GGT7: variants seen among roughly 807,000 people sequenced by gnomAD.
The protein encoded by GGT7 is glutathione hydrolase 7.
In GGT7, 30 loss-of-function variants were observed where a neutral mutation model predicts 69.2. That is an observed-to-expected ratio of 0.43 (90% confidence interval 0.32 to 0.59). The LOEUF is 0.59. GGT7 is among the 20% of genes least tolerant of loss of function. The probability of loss-of-function intolerance (pLI) is 0.05; values close to 1 mark genes in which losing one functional copy is unlikely to be tolerated. For synonymous variants in GGT7, 388 were observed against 391.8 expected (o/e 0.99, Z 0.12); for missense variants, 733 against 901.1 (o/e 0.81, Z 2.39).
At chr20:34,847,778 T>C (rs911696819) in intron 14 of GGT7, among the ~76,000 whole-genome samples, 8 of 152,214 alleles carry the variant, frequency 5.3e-5, no homozygotes, top group African/African-American at 1.2e-4. Context: ...TTTGTGATTA[T>C]GATATAAGGT....
chr20:34,859,535 GC>G lies in GGT7; in HGVS notation c.921del (p.Asp309ThrfsTer38). Reference sequence around the variant, plus strand: ...ACATCCAGCACCTCAGCCAGGTCGGGCCGATGCAGCAACGAGCCAGGTAGTG... The same window carrying G: ...ACATCCAGCACCTCAGCCAGGTCGGGCGATGCAGCAACGAGCCAGGTAGTG... The part of the protein sequence containing the change: ...RPPLPGSLLH[R>X]PDLAEVLDVL... On this transcript the variant is annotated frameshift_variant, in exon 7 of 15. Transcript: ENST00000336431. LOFTEE classifies it high-confidence loss of function. The G allele has an allele frequency of 6.2e-7, 1 of 1,612,502 alleles. No individual in the cohort carries two copies. Among genetic ancestry groups the G allele is most frequent in the Non-Finnish European group, 8.5e-7 (1 of 1,179,214 alleles).
intron 10 of GGT7, among the ~76,000 whole-genome samples, chr20:34,854,118 G>A (rs1002216540): frequency 6.6e-6 from 1 of 152,180 alleles, no homozygotes; most frequent in African/African-American, 2.4e-5. Flanking sequence ...TGTATTTTTA[G>A]TAGAGGCAGG....
Position 34,852,192 on chromosome 20 carries a change from CAGG to C in GGT7, c.1547_1549del (p.Ser516del). On this transcript the variant is annotated inframe_deletion, in exon 12 of 15. Coordinates refer to ENST00000336431, the MANE Select transcript of GGT7 (RefSeq NM_178026.3). Reference sequence around the variant, plus strand: ...AGAGTGGTTAGCTGTCCGGTTGGGCCAGGAGAAGTCCAGCATCTGGCTGTTGAG... The same window carrying C: ...AGAGTGGTTAGCTGTCCGGTTGGGCCAGAAGTCCAGCATCTGGCTGTTGAG... 2 of 1,613,796 alleles carry C rather than the reference CAGG, an allele frequency of 1.2e-6. No individual in the cohort carries two copies. The highest frequency in any genetic ancestry group is 1.7e-6 in the Non-Finnish European group (2 of 1,179,666).
chr20:34,849,467 T>C (rs1446478552), intron 14 of GGT7, among the ~76,000 whole-genome samples: 2 of 152,182 alleles, frequency 1.3e-5, no homozygotes, highest in Non-Finnish European at 2.9e-5. Flanking sequence ...ACCCAGTTTC[T>C]TTCTCACTCT....
In GGT7 at chr20:34,852,487, G is replaced by A. The variant is rs762775711; in HGVS notation, c.1371C>T (p.Ala457=). Residue 457 remains alanine, a synonymous_variant, in exon 11 of 15, where the codon GCC becomes GCT. Coordinates refer to ENST00000336431, the MANE Select transcript of GGT7 (RefSeq NM_178026.3). ...LRGHINDSQA[A]PAPLLPVYEL... is the part of the protein sequence containing the mutation. Reference sequence around the variant, plus strand: ...CATAGACAGGCAGGAGTGGGGCAGGGGCTGCCTGGGAGTCATTGATATGGC... The same window carrying A: ...CATAGACAGGCAGGAGTGGGGCAGGAGCTGCCTGGGAGTCATTGATATGGC... 2.5e-6 allele frequency: 4 copies of A among 1,610,286 alleles called. No homozygotes were observed. The African/African-American group carries it at 4.0e-5, about 16-fold the overall frequency.
Position 34,872,807 on chromosome 20 carries a change from C to CG in GGT7, c.8dup (p.Glu4GlyfsTer156), listed in dbSNP as rs2079803398. 7.4e-7 allele frequency: 1 copy of CG among 1,350,766 alleles called. No individual in the cohort carries two copies. Among genetic ancestry groups the CG allele is most frequent in the African/African-American group, 1.5e-5 (1 of 65,368 alleles). The allele number at this position is 1,350,766 out of a possible 1,614,324, so 83.7% of individuals were successfully genotyped here. A position where few individuals can be genotyped will look rare whatever the true frequency, so the allele number is the denominator to read the frequency against. Reference sequence around the variant, plus strand: ...CGCTCTCCTGGCTGGCCTCGTTCTCCGCCGCCATCCTCGCCCGCGCCCCCC... The same window carrying CG: ...CGCTCTCCTGGCTGGCCTCGTTCTCCGGCCGCCATCCTCGCCCGCGCCCCCC... On this transcript the variant is annotated frameshift_variant, in exon 1 of 15. Transcript: ENST00000336431. LOFTEE classifies it high-confidence loss of function.
chr20:34,849,458 C>A (rs941921335), intron 14 of GGT7, among the ~76,000 whole-genome samples: 4 of 152,136 alleles, frequency 2.6e-5, no homozygotes, highest in Non-Finnish European at 4.4e-5. Context: ...AGCCATTGCA[C>A]CCAGTTTCTT....
Position 34,859,564 on chromosome 20 carries a change from G to A in GGT7, c.893C>T (p.Pro298Leu), listed in dbSNP as rs375590480. Residue 298 changes from proline (P) to leucine (L), a missense_variant, in exon 7 of 15, where the codon CCG (proline) becomes CTG (leucine). Transcript: ENST00000336431. Reference protein sequence around the residue: ...FRETFLPSGRPPLPGSLLHRP... With the variant: ...FRETFLPSGRLPLPGSLLHRP... Reference sequence around the variant, plus strand: ...ATGCAGCAACGAGCCAGGTAGTGGCGGGCGGCCCGATGGCAGGAACGTCTC... The same window carrying A: ...ATGCAGCAACGAGCCAGGTAGTGGCAGGCGGCCCGATGGCAGGAACGTCTC... 6.9e-6 allele frequency: 11 copies of A among 1,604,710 alleles called. No individual in the cohort carries two copies. The highest frequency in any genetic ancestry group is 1.7e-5 in the Admixed American group (1 of 58,748).
Position 34,845,020 on chromosome 20 carries a change from C to T in GGT7, c.*308G>A. ...TGCAAGCACATCCCTAAGCTCGGGG[C>T]CAGCATGGCTGAAGGAGGAGAGGTG... On this transcript the variant is annotated 3_prime_UTR_variant, in exon 15 of 15. Transcript: ENST00000336431. 2.7e-6 allele frequency: 1 copy of T among 371,930 alleles called. No individual in the cohort carries two copies. The highest frequency in any genetic ancestry group is 4.9e-6 in the Non-Finnish European group (1 of 203,586). The allele number at this position is 371,930 out of a possible 1,614,324, so 23.0% of individuals were successfully genotyped here.
chr20:34,856,953 A>G (rs943706356), intron 7 of GGT7, 60 bp from the exon 8 acceptor site: 2 of 1,055,904 alleles, frequency 1.9e-6, no homozygotes, highest in African/African-American at 3.1e-5. Context: ...GTTTTGGCCT[A>G]TAACACGTTT....
rs1482420285 is a variant in GGT7, at chr20:34,862,745, G to A, written c.557+69C>T. The A allele has an allele frequency of 8.8e-6, 13 of 1,475,606 alleles. No homozygotes were observed. The East Asian group carries it at 2.5e-4, about 28-fold the overall frequency. 91.4% of individuals were successfully genotyped at this position (1,475,606 alleles called of 1,614,324 possible). ...CCCCTCTCCCTAAGTTAGGAGTGCTGCACATGAGGCCTACAGACCTGGAGG... is the reference window on the plus strand; with the variant it reads ...CCCCTCTCCCTAAGTTAGGAGTGCTACACATGAGGCCTACAGACCTGGAGG... On this transcript the variant is annotated intron_variant, in intron 3 of 14. Transcript: ENST00000336431.
At chr20:34,869,127 C>T (rs2079739657) in intron 1 of GGT7, among the ~76,000 whole-genome samples, 1 of 151,758 alleles carries the variant, frequency 6.6e-6, no homozygotes, top group Non-Finnish European at 1.5e-5. Context: ...TGTTTATTCC[C>T]TTAAGGGGAG....
At position 34,852,512 on chromosome 20, in the gene GGT7, C is replaced by T; in HGVS notation, c.1346G>A (p.Gly449Asp). The change falls in exon 11 of 15, where the codon GGC (glycine) becomes GAC (aspartate). Residue 449 changes from glycine to aspartate, a missense_variant. By Grantham distance (94) the Gly-to-Asp change is moderately conservative (BLOSUM62 -1). Transcript: ENST00000336431. ...GGCTGCCTGGGAGTCATTGATATGGCCCCGGAGGTAGGCGGCCTCCACCTT... is the reference window on the plus strand; with the variant it reads ...GGCTGCCTGGGAGTCATTGATATGGTCCCGGAGGTAGGCGGCCTCCACCTT... Reference protein sequence around the residue: ...LSKVEAAYLRGHINDSQAAPA... With the variant: ...LSKVEAAYLRDHINDSQAAPA... 6.3e-7 allele frequency: 1 copy of T among 1,588,422 alleles called. No individual in the cohort carries two copies. Among genetic ancestry groups the T allele is most frequent in the Non-Finnish European group, 8.6e-7 (1 of 1,168,240 alleles).
rs756570193 is a variant in GGT7, at chr20:34,862,909, G to A, written c.462C>T (p.Ile154=). 5 of 1,614,008 alleles carry A rather than the reference G, an allele frequency of 3.1e-6. No homozygotes were observed. The highest frequency in any genetic ancestry group is 4.2e-6 in the Non-Finnish European group (5 of 1,179,938). ...AAGATCCCTGTTTACTGAGCACCTC[G>A]ATGCCCAGTGAAGTGCAGCGGGCAG... ...TDAARCTSLG[I]EVLSKQGSSV... The change falls in exon 3 of 15, where the codon ATC becomes ATT. Residue 154 remains isoleucine, a synonymous_variant. Coordinates refer to ENST00000336431, the MANE Select transcript of GGT7 (RefSeq NM_178026.3).
At chr20:34,859,149 G>A (rs2079541090) in intron 7 of GGT7, among the ~76,000 whole-genome samples, 1 of 147,538 alleles carries the variant, frequency 6.8e-6, no homozygotes, top group African/African-American at 2.6e-5. Flanking sequence ...CAGCCAGGGT[G>A]ACACAGCAGG....
chr20:34,847,263 A>G (rs934471701), intron 14 of GGT7, among the ~76,000 whole-genome samples: 5 of 152,082 alleles, frequency 3.3e-5, no homozygotes, highest in Non-Finnish European at 5.9e-5. Context: ...GACCCTCATC[A>G]TCTCTTGCCT....
At chr20:34,850,698 C>T (rs1439551456) in intron 13 of GGT7, 2 of 377,482 alleles carry the variant, frequency 5.3e-6, no homozygotes, top group African/African-American at 4.2e-5. Flanking sequence ...AGTGAATGCT[C>T]CAGCATCACA....
intron 7 of GGT7, among the ~76,000 whole-genome samples, chr20:34,858,720 C>T (rs1270203427): frequency 6.6e-6 from 1 of 152,178 alleles, no homozygotes; most frequent in Non-Finnish European, 1.5e-5. Flanking sequence ...AGAGGTGCTT[C>T]CCTCAGTCCC....
chr20:34,867,556 A>C (rs1265690231), intron 1 of GGT7, among the ~76,000 whole-genome samples: 2 of 151,980 alleles, frequency 1.3e-5, no homozygotes, highest in African/African-American at 4.8e-5. Context: ...TCTACAAAAA[A>C]ATTTTTTTAA....
Sources: allele counts gnomAD v4.1 joint callset (sites outside exome capture counted in the v4.1 genomes callset), GRCh38; gene constraint gnomAD v4.1.1; transcripts MANE v1.5; gene names NCBI Gene and HGNC (gene_info 2026-07-23, HGNC 2026-07-21).